ANO2: variants seen among roughly 807,000 people sequenced by gnomAD.
The protein encoded by ANO2 is anoctamin-2.
Under a neutral mutation model 124.2 loss-of-function variants are expected in ANO2, and 101 were observed. The observed-to-expected ratio is 0.81, with a 90% CI of 0.69 to 0.96. The LOEUF is 0.96. Ranked by LOEUF, ANO2 falls within the 40% of genes least tolerant of loss-of-function variation. The pLI is 0.00. For missense variants in ANO2, 1,293 were observed against 1,274.5 expected (o/e 1.01, Z -0.22); for synonymous variants, 486 against 482.5 (o/e 1.01, Z -0.09).
chr12:5,880,297 G>C (rs1225437992), intron 3 of ANO2, among the ~76,000 whole-genome samples: 7 of 152,106 alleles, frequency 4.6e-5, no homozygotes, highest in Non-Finnish European at 1.5e-5. Context: ...TAAGAGCCTG[G>C]GGAACGCAGG....
chr12:5,807,171 C>T, intron 8 of ANO2, 142 bp downstream of exon 8: 1 of 649,682 alleles, frequency 1.5e-6, no homozygotes, highest in African/African-American at 1.9e-5. Flanking sequence ...ATGAGTGGTC[C>T]AGGGTCAGTC....
intron 14 of ANO2, among the ~76,000 whole-genome samples, chr12:5,713,528 T>C (rs556575159): frequency 5.1e-4 from 78 of 152,274 alleles, no homozygotes; most frequent in African/African-American, 1.8e-3. Context: ...AAATCCCCCC[T>C]ACCCTGGGTG....
intron 3 of ANO2, among the ~76,000 whole-genome samples, chr12:5,917,492 T>TTTATTTAG (rs1214500686): frequency 3.3e-5 from 5 of 152,124 alleles, no homozygotes; most frequent in African/African-American, 1.2e-4. Context: ...TTCTAGGTAC[T>TTTATTTAG]TTATTTAGTT....
chr12:5,775,642 TA>T (rs1349559173), intron 10 of ANO2, among the ~76,000 whole-genome samples: 1 of 152,158 alleles, frequency 6.6e-6, no homozygotes, highest in East Asian at 1.9e-4. Context: ...TTTGTATTTT[TA>T]ATAGAGACAG....
intron 14 of ANO2, among the ~76,000 whole-genome samples, chr12:5,679,515 C>A (rs11063812): frequency 2.2e-3 from 338 of 152,266 alleles, no homozygotes; most frequent in African/African-American, 7.5e-3. Flanking sequence ...GACATACATG[C>A]AGCCAACAAA....
chr12:5,837,567 A>C (rs1488435280), intron 4 of ANO2, among the ~76,000 whole-genome samples: 7 of 147,448 alleles, frequency 4.7e-5, no homozygotes, highest in Non-Finnish European at 7.4e-5. Flanking sequence ...ATGAGTGAGA[A>C]TATGCAGTGT....
chr12:5,606,257 T>C (rs907284631), intron 19 of ANO2, among the ~76,000 whole-genome samples: 1 of 152,166 alleles, frequency 6.6e-6, no homozygotes, highest in African/African-American at 2.4e-5. Flanking sequence ...ATCCTGCACT[T>C]GGCCTTGCAT....
chr12:5,740,066 C>T, intron 12 of ANO2: 1 of 438,214 alleles, frequency 2.3e-6, no homozygotes. Context: ...CACCCACGGC[C>T]CTTTGAAGGA....
At chr12:5,653,714 G>A (rs1244074409) in intron 14 of ANO2, among the ~76,000 whole-genome samples, 1 of 152,196 alleles carries the variant, frequency 6.6e-6, no homozygotes, top group African/African-American at 2.4e-5. Flanking sequence ...CTAGGTAGTA[G>A]CAGAAACTGA....
At chr12:5,576,803 T>C (rs1412299101) in intron 22 of ANO2, among the ~76,000 whole-genome samples, 2 of 152,250 alleles carry the variant, frequency 1.3e-5, no homozygotes, top group African/African-American at 4.8e-5. Flanking sequence ...CAAAATGTAG[T>C]TCAGATATTG....
rs757416878 is a variant in ANO2, at chr12:5,565,633, G to T, written c.2652C>A (p.Ala884=). ...RFKDYREPPW[A]PNPYEFSKQY... ...GTTTCGAAAACTCATAAGGGTTCGG[G>T]GCCCATGGCGGCTCTCGGTAATCCT... The change falls in exon 24 of 25, where the codon GCC becomes GCA. Residue 884 remains alanine, a synonymous_variant. Coordinates refer to ENST00000682330, the MANE Select transcript of ANO2 (RefSeq NM_001364791.2). 1.2e-6 allele frequency: 2 copies of T among 1,603,276 alleles called. No individual in the cohort carries two copies. The highest frequency in any genetic ancestry group is 8.5e-7 in the Non-Finnish European group (1 of 1,174,874).
At position 5,923,110 on chromosome 12, in the gene ANO2, ACATG is replaced by A. The variant is rs1565783631; in HGVS notation, c.23-310_23-307del. Among the ~76,000 whole-genome samples, 48 of 64,938 alleles carry A rather than the reference ACATG, an allele frequency of 7.4e-4. 3 individuals are homozygous for A. Among genetic ancestry groups the A allele is most frequent in the Middle Eastern group, 8.9e-3 (1 of 112 alleles). 42.6% of individuals were successfully genotyped at this position (64,938 alleles called of 152,430 possible). ...CACACACACGCACACACATACACAC[ACATG>A]CACGCACACACACCCACATACACAC... is the stretch of plus-strand genomic sequence containing the variant. On this transcript the variant is annotated intron_variant, in intron 1 of 24. Coordinates refer to ENST00000682330, the MANE Select transcript of ANO2 (RefSeq NM_001364791.2).
At chr12:5,664,354 T>C (rs190513409) in intron 14 of ANO2, among the ~76,000 whole-genome samples, 301 of 152,228 alleles carry the variant, frequency 2.0e-3, no homozygotes, top group Non-Finnish European at 3.3e-3. Flanking sequence ...TAACCATCCA[T>C]CCAGGCATCC....
intron 14 of ANO2, among the ~76,000 whole-genome samples, chr12:5,712,845 C>T (rs367954642): frequency 2.0e-5 from 3 of 152,270 alleles, no homozygotes; most frequent in East Asian, 1.9e-4. Context: ...CACCAAGAGA[C>T]GCTCAGAGAG....
In ANO2 at chr12:5,563,030, C is replaced by G; in HGVS notation, c.*269G>C. The G allele has an allele frequency of 2.0e-6, 1 of 500,620 alleles. No individual in the cohort carries two copies. The highest frequency in any genetic ancestry group is 3.6e-6 in the Non-Finnish European group (1 of 281,408). 31.0% of individuals were successfully genotyped at this position (500,620 alleles called of 1,614,324 possible). On this transcript the variant is annotated 3_prime_UTR_variant, in exon 25 of 25. Coordinates refer to ENST00000682330, the MANE Select transcript of ANO2 (RefSeq NM_001364791.2). Reference sequence around the variant, plus strand: ...CCTGAGACTCTGGGGTGGAGAGACCCCAGTGGGGTTCCAATCCCTCAAAAG... The same window carrying G: ...CCTGAGACTCTGGGGTGGAGAGACCGCAGTGGGGTTCCAATCCCTCAAAAG...
At chr12:5,729,837 C>T (rs1021883232) in intron 14 of ANO2, among the ~76,000 whole-genome samples, 1 of 151,998 alleles carries the variant, frequency 6.6e-6, no homozygotes, top group Non-Finnish European at 1.5e-5. Flanking sequence ...TATAAAAGAA[C>T]GAAGTACTGA....
chr12:5,650,750 A>G (rs2136959665), intron 14 of ANO2, among the ~76,000 whole-genome samples: 1 of 152,364 alleles, frequency 6.6e-6, no homozygotes, highest in South Asian at 2.1e-4. Context: ...AGGACATCCA[A>G]GTTCTGAACT....
chr12:5,577,900 G>T, intron 22 of ANO2, 55 bp downstream of exon 22: 1 of 1,564,940 alleles, frequency 6.4e-7, no homozygotes, highest in Non-Finnish European at 8.7e-7. Flanking sequence ...GAAGACCTCA[G>T]CTTCTCTGGA....
At chr12:5,786,796 G>A (rs1565668264) in intron 10 of ANO2, among the ~76,000 whole-genome samples, 1 of 152,210 alleles carries the variant, frequency 6.6e-6, no homozygotes, top group Non-Finnish European at 1.5e-5. Flanking sequence ...CCTGGGATTT[G>A]GGGCAAGTGA....
Sources: allele counts gnomAD v4.1 joint callset (sites outside exome capture counted in the v4.1 genomes callset), GRCh38; gene constraint gnomAD v4.1.1; transcripts MANE v1.5; gene names NCBI Gene and HGNC (gene_info 2026-07-23, HGNC 2026-07-21).